The following PECAM1 variants were observed in gnomAD, a reference collection of about 807,000 sequenced individuals.
The protein encoded by PECAM1 is platelet endothelial cell adhesion molecule.
Under a neutral mutation model 13.8 loss-of-function variants are expected in PECAM1, and 8 were observed. The ratio of observed to expected loss-of-function variants is 0.58; its 90% CI spans 0.34 to 1.05. PECAM1 has a LOEUF of 1.05. Among genes scored for constraint, PECAM1 ranks in the 50% least tolerant of loss-of-function variants. The pLI is 0.03. For missense variants in PECAM1, 304 were observed against 141.2 expected, an observed-to-expected ratio of 2.15 and a Z score of -5.84; for synonymous variants, 136 against 52.6, an observed-to-expected ratio of 2.58 and a Z score of -6.86.
At chr17:64,345,884 C>G (rs2035553729) in intron 13 of PECAM1, among the ~76,000 whole-genome samples, 4 of 151,950 alleles carry the variant, frequency 2.6e-5, no homozygotes, top group Admixed American at 2.6e-4. Context: ...GTGCAGCACA[C>G]AGCCCAGCGG....
intron 14 of PECAM1, among the ~76,000 whole-genome samples, chr17:64,331,936 G>T (rs984044161): frequency 2.6e-5 from 4 of 152,202 alleles, no homozygotes; most frequent in African/African-American, 9.7e-5. Flanking sequence ...AGAAAAGTAC[G>T]CCAAGGGGCC....
intron 14 of PECAM1, among the ~76,000 whole-genome samples, chr17:64,339,014 G>A (rs2035358738): frequency 2.0e-5 from 3 of 152,176 alleles, no homozygotes; most frequent in African/African-American, 7.2e-5. Flanking sequence ...AGAGCACTTA[G>A]GAGAGTAAAG....
At chr17:64,382,074 T>G (rs2036493610) in intron 2 of PECAM1, among the ~76,000 whole-genome samples, 1 of 152,084 alleles carries the variant, frequency 6.6e-6, no homozygotes, top group African/African-American at 2.4e-5. Context: ...CACTCCAGCC[T>G]GGGAAATAAG....
At chr17:64,362,549 G>T (rs2036007555) in intron 6 of PECAM1, among the ~76,000 whole-genome samples, 1 of 152,180 alleles carries the variant, frequency 6.6e-6, no homozygotes, top group Non-Finnish European at 1.5e-5. Flanking sequence ...CTACTTGGGA[G>T]GCTGAGGCAG....
intron 4 of PECAM1, among the ~76,000 whole-genome samples, chr17:64,373,238 T>A (rs118198518): frequency 1.8e-4 from 28 of 152,116 alleles, no homozygotes; most frequent in African/African-American, 6.5e-4. Flanking sequence ...GTTGCCAAAG[T>A]ACACAAGTTA....
chr17:64,343,284 C>A (rs1039870765), intron 13 of PECAM1, among the ~76,000 whole-genome samples: 1 of 152,040 alleles, frequency 6.6e-6, no homozygotes, highest in Admixed American at 6.6e-5. Flanking sequence ...ACACACACTC[C>A]TCCACAGCCA....
chr17:64,380,134 C>T (rs1284853726), intron 2 of PECAM1, among the ~76,000 whole-genome samples: 1 of 151,918 alleles, frequency 6.6e-6, no homozygotes, highest in Admixed American at 6.6e-5. Context: ...GAGTTTAAGA[C>T]CAGCCTGACC....
chr17:64,334,935 C>T (rs1344606683), intron 14 of PECAM1, among the ~76,000 whole-genome samples: 1 of 152,102 alleles, frequency 6.6e-6, no homozygotes, highest in Non-Finnish European at 1.5e-5. Context: ...GAGAAAGACC[C>T]TACTCCTTCC....
Position 64,322,907 on chromosome 17 carries a change from G to T in PECAM1, c.*909C>A. On this transcript the variant is annotated 3_prime_UTR_variant, in exon 16 of 16. Coordinates refer to ENST00000563924, the MANE Select transcript of PECAM1 (RefSeq NM_000442.5). Reference sequence around the variant, plus strand: ...ATTCTTGTATTTTTAGTAGAGACAGGGTTTCATCAGGCTGGTCTCAAACTC... The same window carrying T: ...ATTCTTGTATTTTTAGTAGAGACAGTGTTTCATCAGGCTGGTCTCAAACTC... 2.8e-6 allele frequency: 1 copy of T among 362,534 alleles called. No homozygotes were observed. The highest frequency in any genetic ancestry group is 3.8e-6 in the Non-Finnish European group (1 of 260,450). The allele number at this position is 362,534 out of a possible 1,614,324, so 22.5% of individuals were successfully genotyped here. A position where few individuals can be genotyped will look rare whatever the true frequency, so the allele number is the denominator to read the frequency against.
At chr17:64,345,895 C>G (rs957763747) in intron 13 of PECAM1, among the ~76,000 whole-genome samples, 7 of 151,818 alleles carry the variant, frequency 4.6e-5, no homozygotes, top group African/African-American at 1.7e-4. Context: ...AGCCCAGCGG[C>G]TCTACGGGGC....
At chr17:64,331,017 C>A (rs141923108) in intron 14 of PECAM1, among the ~76,000 whole-genome samples, 1 of 152,088 alleles carries the variant, frequency 6.6e-6, no homozygotes, top group East Asian at 1.9e-4. Flanking sequence ...ATAACACCAC[C>A]GGTATCCTCT....
intron 15 of PECAM1, among the ~76,000 whole-genome samples, chr17:64,324,501 G>A (rs893884287): frequency 6.6e-5 from 10 of 152,298 alleles, no homozygotes; most frequent in Non-Finnish European, 1.0e-4. Context: ...TGTACGCCCA[G>A]CACAGCGTCC....
chr17:64,354,699 C>G (rs1485583532), intron 9 of PECAM1, among the ~76,000 whole-genome samples: 1 of 152,058 alleles, frequency 6.6e-6, no homozygotes, highest in Admixed American at 6.6e-5. Flanking sequence ...ACTTGCACCC[C>G]ACTCTACACG....
intron 13 of PECAM1, among the ~76,000 whole-genome samples, chr17:64,343,175 C>T (rs7211356): frequency 0.86 from 130,373 of 152,084 alleles, 59,595 homozygotes; most frequent in East Asian, 1. Flanking sequence ...TTTCCCTCCT[C>T]GGAGTGAATG....
At chr17:64,369,709 G>A (rs1440361386) in intron 5 of PECAM1, 41 bp downstream of exon 5, 9 of 398,444 alleles carry the variant, frequency 2.3e-5, no homozygotes, top group Non-Finnish European at 4.0e-5. Context: ...GGCCTCTTGA[G>A]CCCGCCATAT....
At chr17:64,350,949 T>C (rs1201081605) in intron 11 of PECAM1, among the ~76,000 whole-genome samples, 1 of 152,148 alleles carries the variant, frequency 6.6e-6, no homozygotes, top group Non-Finnish European at 1.5e-5. Context: ...AGATCTCAGG[T>C]CACTGCAACC....
chr17:64,387,822 A>C (rs1219123891), intron 2 of PECAM1, among the ~76,000 whole-genome samples: 2 of 152,268 alleles, frequency 1.3e-5, no homozygotes, highest in South Asian at 2.1e-4. Flanking sequence ...GGAGGGGAAC[A>C]AAGAGGCCTG....
At chr17:64,389,620 T>A (rs1016220157) in intron 2 of PECAM1, among the ~76,000 whole-genome samples, 24 of 152,130 alleles carry the variant, frequency 1.6e-4, no homozygotes, top group African/African-American at 5.8e-4. Context: ...CATTTGCAAA[T>A]AAAAACAGTT....
intron 7 of PECAM1, among the ~76,000 whole-genome samples, chr17:64,357,907 G>C (rs936636069): frequency 3.9e-5 from 6 of 152,114 alleles, no homozygotes; most frequent in Non-Finnish European, 8.8e-5. Flanking sequence ...CCAGCCACCA[G>C]GTGGATCGTT....
Sources: allele counts gnomAD v4.1 joint callset (sites outside exome capture counted in the v4.1 genomes callset), GRCh38; gene constraint gnomAD v4.1.1; transcripts MANE v1.5; gene names NCBI Gene and HGNC (gene_info 2026-07-23, HGNC 2026-07-21).